USP9Y: variants seen among roughly 807,000 people sequenced by gnomAD.
The protein encoded by USP9Y is ubiquitin carboxyl-terminal hydrolase 9Y.
Under a neutral mutation model 53.1 loss-of-function variants are expected in USP9Y, and 41 were observed. That is an observed-to-expected ratio of 0.77 (90% confidence interval 0.60 to 1.00). The LOEUF is 1.00. Among genes scored for constraint, USP9Y ranks in the 50% least tolerant of loss-of-function variants. The pLI is 0.00. For missense variants in USP9Y, 567 were observed against 535.8 expected (o/e 1.06, Z -0.58); for synonymous variants, 220 against 173.7 (o/e 1.27, Z -2.09).
intron 7 of USP9Y, among the ~76,000 whole-genome samples, chrY:12,731,990 G>T (rs2053447457): frequency 3.1e-5 from 1 of 32,233 alleles, no homozygotes; most frequent in Non-Finnish European, 7.5e-5. Context: ...ACGTTTTTTG[G>T]TGGTGGTCTT....
chrY:12,833,565 G>C, intron 33 of USP9Y, 123 bp from the exon 34 acceptor site: 1 of 218,722 alleles, frequency 4.6e-6, no homozygotes. Context: ...AACAATGTGC[G>C]TTTCTCCTTT....
chrY:12,786,860 C>T, intron 24 of USP9Y, 60 bp downstream of exon 24: 1 of 261,034 alleles, frequency 3.8e-6, no homozygotes, highest in East Asian at 1.1e-4. Context: ...TAAATGTAAA[C>T]TCTGTAATAA....
At chrY:12,837,324 T>G (rs2053556012) in intron 34 of USP9Y, among the ~76,000 whole-genome samples, 1 of 31,827 alleles carries the variant, frequency 3.1e-5, no homozygotes, top group Non-Finnish European at 7.6e-5. Flanking sequence ...GGGGTAGTTT[T>G]GGGGTGATTC....
At chrY:12,708,270 G>A (rs747659205) in intron 1 of USP9Y, among the ~76,000 whole-genome samples, 5 of 33,289 alleles carry the variant, frequency 1.5e-4, no homozygotes, top group Admixed American at 8.2e-4. Flanking sequence ...ATTTGGTGGC[G>A]TTTTCCCATA....
intron 33 of USP9Y, among the ~76,000 whole-genome samples, chrY:12,822,607 C>T (rs2053542821): frequency 3.0e-5 from 1 of 33,202 alleles, no homozygotes; most frequent in Admixed American, 2.7e-4. Flanking sequence ...TCAGATGATT[C>T]GCCTGCCTTG....
chrY:12,791,435 G>A, intron 25 of USP9Y, 64 bp from the exon 26 acceptor site: 1 of 346,151 alleles, frequency 2.9e-6, no homozygotes. Context: ...GAAATATTTT[G>A]TTTTCCTGAT....
chrY:12,810,874 A>C (rs748561175), intron 29 of USP9Y, 56 bp downstream of exon 29: 1 of 339,007 alleles, frequency 2.9e-6, no homozygotes, highest in East Asian at 9.6e-5. Context: ...TGTCTTATTA[A>C]AAGGAGGTTT....
intron 33 of USP9Y, among the ~76,000 whole-genome samples, chrY:12,826,707 A>AG (rs2148290650): frequency 3.3e-5 from 1 of 30,183 alleles, no homozygotes; most frequent in South Asian, 7.6e-4. Context: ...TGAAGTTGGA[A>AG]AAAAAAAAAA....
At chrY:12,733,220 T>A (rs531555567) in intron 7 of USP9Y, among the ~76,000 whole-genome samples, 44 of 32,471 alleles carry the variant, frequency 1.4e-3, no homozygotes, top group African/African-American at 5.3e-3. Context: ...CGCTGATATT[T>A]TAAAATGTTT....
At chrY:12,765,807 G>A in intron 15 of USP9Y, among the ~76,000 whole-genome samples, 1 of 33,606 alleles carries the variant, frequency 3.0e-5, no homozygotes, top group East Asian at 7.8e-4. Flanking sequence ...TTCAGCACCT[G>A]TATTATGGAA....
chrY:12,707,849 C>A, intron 1 of USP9Y, among the ~76,000 whole-genome samples: 2 of 30,180 alleles, frequency 6.6e-5, no homozygotes, highest in African/African-American at 1.3e-4. Flanking sequence ...CACCATCCTC[C>A]TGCCTCAGCC....
chrY:12,755,967 A>G (rs2053468073), intron 12 of USP9Y, among the ~76,000 whole-genome samples: 1 of 32,632 alleles, frequency 3.1e-5, no homozygotes, highest in Non-Finnish European at 7.5e-5. Context: ...GTGGGGGGGA[A>G]TTTCTGACCC....
intron 24 of USP9Y, among the ~76,000 whole-genome samples, chrY:12,787,935 C>A: frequency 3.0e-5 from 1 of 33,610 alleles, no homozygotes; most frequent in African/African-American, 1.2e-4. Context: ...CACAGAGATA[C>A]ATAATAATCT....
At chrY:12,725,524 G>T (rs2053441410) in intron 6 of USP9Y, among the ~76,000 whole-genome samples, 1 of 33,478 alleles carries the variant, frequency 3.0e-5, no homozygotes, top group Non-Finnish European at 7.4e-5. Context: ...AGCACTTGAG[G>T]TCAAAAATAC....
chrY:12,848,253 A>G, intron 42 of USP9Y, among the ~76,000 whole-genome samples: 1 of 33,472 alleles, frequency 3.0e-5, no homozygotes, highest in African/African-American at 1.2e-4. Context: ...TGTTGCCTGC[A>G]TAGATGTCTT....
At chrY:12,809,102 G>A in intron 27 of USP9Y, among the ~76,000 whole-genome samples, 1 of 33,526 alleles carries the variant, frequency 3.0e-5, no homozygotes, top group African/African-American at 1.2e-4. Flanking sequence ...AGCTCGTAGA[G>A]ATAACGGACA....
At chrY:12,804,910 A>G in intron 27 of USP9Y, among the ~76,000 whole-genome samples, 1 of 29,773 alleles carries the variant, frequency 3.4e-5, no homozygotes, top group African/African-American at 1.3e-4. Flanking sequence ...GTGAGCCAAG[A>G]TCGCACCACT....
chrY:12,741,006 G>T (rs2053456758), intron 12 of USP9Y, among the ~76,000 whole-genome samples: 1 of 32,433 alleles, frequency 3.1e-5, no homozygotes, highest in Non-Finnish European at 7.5e-5. Context: ...ATGAGGTCAG[G>T]AGTTCGAGAC....
At chrY:12,738,134 T>C in intron 10 of USP9Y, 23 bp from the exon 11 acceptor site, 1 of 375,818 alleles carries the variant, frequency 2.7e-6, no homozygotes, top group Non-Finnish European at 3.7e-6. Context: ...AGTTTCAGCA[T>C]TGAATTTTTG....
Sources: allele counts gnomAD v4.1 joint callset (sites outside exome capture counted in the v4.1 genomes callset), GRCh38; gene constraint gnomAD v4.1.1; transcripts MANE v1.5; gene names NCBI Gene and HGNC (gene_info 2026-07-23, HGNC 2026-07-21).